Variants in FRMD4B observed in about 807,000 individuals in gnomAD.
FRMD4B encodes FERM domain-containing protein 4B.
FRMD4B carries 74 observed loss-of-function variants against 141.5 expected under a neutral mutation model. The observed-to-expected ratio is 0.52, with a 90% CI of 0.43 to 0.63. FRMD4B has a LOEUF of 0.63. Ranked by LOEUF, FRMD4B falls within the 30% of genes least tolerant of loss-of-function variation. FRMD4B has a pLI of 0.00. For missense variants in FRMD4B, 1,366 were observed against 1,253.4 expected (o/e 1.09, Z -1.36); for synonymous variants, 506 against 467.9 (o/e 1.08, Z -1.05).
intron 1 of FRMD4B, among the ~76,000 whole-genome samples, chr3:69,523,120 GAA>G (rs111583020): frequency 6.3e-4 from 81 of 128,006 alleles, no homozygotes; most frequent in African/African-American, 1.8e-3. Context: ...AATAACAAGT[GAA>G]AAAAAAAAAA....
intron 1 of FRMD4B, among the ~76,000 whole-genome samples, chr3:69,372,789 A>T (rs995336347): frequency 6.6e-6 from 1 of 152,238 alleles, no homozygotes; most frequent in African/African-American, 2.4e-5. Flanking sequence ...ATGTGTGTAT[A>T]TGTGTGTACA....
At chr3:69,410,950 C>T (rs1704751096) in intron 2 of FRMD4B, among the ~76,000 whole-genome samples, 1 of 151,636 alleles carries the variant, frequency 6.6e-6, no homozygotes, top group Non-Finnish European at 1.5e-5. Context: ...AAATTTGTAC[C>T]TGGCCTATAG....
chr3:69,342,083 C>T (rs1420493571), intron 1 of FRMD4B, among the ~76,000 whole-genome samples: 3 of 152,156 alleles, frequency 2.0e-5, no homozygotes, highest in Admixed American at 2.0e-4. Context: ...ATTAGAGAAG[C>T]TTGCAAACAC....
chr3:69,348,528 C>CA (rs1016328000), intron 1 of FRMD4B, among the ~76,000 whole-genome samples: 1 of 151,850 alleles, frequency 6.6e-6, no homozygotes, highest in African/African-American at 2.4e-5. Context: ...AGAGACACAA[C>CA]AAAAAAAGAG....
intron 1 of FRMD4B, among the ~76,000 whole-genome samples, chr3:69,495,282 T>C (rs1156237587): frequency 6.6e-6 from 1 of 152,232 alleles, no homozygotes; most frequent in Non-Finnish European, 1.5e-5. Context: ...GACTGTTTCA[T>C]TTCCAGAACA....
At chr3:69,538,028 C>A (rs1184637763) in intron 1 of FRMD4B, among the ~76,000 whole-genome samples, 2 of 152,204 alleles carry the variant, frequency 1.3e-5, no homozygotes, top group African/African-American at 4.8e-5. Flanking sequence ...GCCAACTGGG[C>A]AAATCATAGC....
intron 1 of FRMD4B, among the ~76,000 whole-genome samples, chr3:69,349,234 G>C (rs1284244627): frequency 2.0e-5 from 3 of 152,122 alleles, no homozygotes; most frequent in African/African-American, 7.2e-5. Flanking sequence ...TTGCTTCAAA[G>C]GGAATAAAAT....
At chr3:69,494,107 C>T (rs759095504) in intron 1 of FRMD4B, among the ~76,000 whole-genome samples, 4 of 152,152 alleles carry the variant, frequency 2.6e-5, no homozygotes, top group Non-Finnish European at 5.9e-5. Flanking sequence ...CTCGAACTCT[C>T]GGCATCAAGT....
chr3:69,338,491 A>C (rs1428684847), intron 1 of FRMD4B, among the ~76,000 whole-genome samples: 2 of 152,248 alleles, frequency 1.3e-5, no homozygotes, highest in Non-Finnish European at 2.9e-5. Context: ...ACACCATGGA[A>C]TATTATGCAG....
At chr3:69,236,375 C>T (rs779428578) in intron 7 of FRMD4B, among the ~76,000 whole-genome samples, 5 of 151,940 alleles carry the variant, frequency 3.3e-5, no homozygotes, top group Non-Finnish European at 5.9e-5. Context: ...ACTATAGGCA[C>T]CTGCCACGAT....
intron 1 of FRMD4B, among the ~76,000 whole-genome samples, chr3:69,332,184 T>C (rs1174466824): frequency 1.3e-5 from 2 of 152,164 alleles, no homozygotes; most frequent in South Asian, 2.1e-4. Context: ...GGGCAGGTGG[T>C]GAGCAGGTTC....
upstream of FRMD4B, among the ~76,000 whole-genome samples, chr3:69,389,601 T>C (rs1704338360): frequency 6.6e-6 from 1 of 152,174 alleles, no homozygotes; most frequent in Non-Finnish European, 1.5e-5. Flanking sequence ...ACATAAACAC[T>C]GATGCTTTTT....
intron 21 of FRMD4B, among the ~76,000 whole-genome samples, 183 bp downstream of exon 21, chr3:69,180,716 G>A (rs2092697804): frequency 6.6e-6 from 1 of 152,184 alleles, no homozygotes; most frequent in Non-Finnish European, 1.5e-5. Flanking sequence ...TGTGTACTGA[G>A]TTCTTTGGAG....
chr3:69,458,627 A>G (rs1193656431), intron 1 of FRMD4B, among the ~76,000 whole-genome samples: 2 of 152,192 alleles, frequency 1.3e-5, no homozygotes, highest in Admixed American at 1.3e-4. Flanking sequence ...TTCATCTGAC[A>G]TGGTTAAATA....
chr3:69,456,733 T>A (rs60504103), intron 1 of FRMD4B, among the ~76,000 whole-genome samples: 3,571 of 129,110 alleles, frequency 0.028, 135 homozygotes, highest in African/African-American at 0.097. Context: ...TCCATTTTTG[T>A]AAAAAAAAAA....
At chr3:69,287,246 C>T (rs1397424652) in intron 5 of FRMD4B, among the ~76,000 whole-genome samples, 1 of 152,184 alleles carries the variant, frequency 6.6e-6, no homozygotes, top group African/African-American at 2.4e-5. Flanking sequence ...AAGAAAAACC[C>T]TGTCCCTTAC....
chr3:69,536,637 C>G, intron 1 of FRMD4B: 2 of 1,012,456 alleles, frequency 2.0e-6, no homozygotes, highest in South Asian at 2.7e-5. Flanking sequence ...CCTGGATGAT[C>G]CTGCTGTGGA....
rs1185603124 is a variant in FRMD4B at position 69,353,643 on chromosome 3, G to T, written c.162+32185C>A. 5.1e-6 allele frequency: 5 copies of T among 978,596 alleles called. No homozygotes were observed. In the African/African-American group the frequency reaches 8.8e-5, roughly 17 times the overall value. 60.6% of individuals were successfully genotyped at this position (978,596 alleles called of 1,614,324 possible). A position where few individuals can be genotyped will look rare whatever the true frequency, so the allele number is the denominator to read the frequency against. On this transcript the variant is annotated intron_variant, in intron 1 of 22. Coordinates refer to ENST00000398540, the MANE Select transcript of FRMD4B (RefSeq NM_015123.3). ...GCACTTGTGCGGTGTGTGTGTGTGTGCGCGCGCGTGTGTGTGCGCGCATGT... is the reference window on the plus strand; with the variant it reads ...GCACTTGTGCGGTGTGTGTGTGTGTTCGCGCGCGTGTGTGTGCGCGCATGT...
intron 19 of FRMD4B, among the ~76,000 whole-genome samples, chr3:69,186,873 A>C (rs1390041740): frequency 6.6e-6 from 1 of 152,212 alleles, no homozygotes; most frequent in African/African-American, 2.4e-5. Flanking sequence ...CAAAGCAAAC[A>C]GCTGGTAACT....
Sources: allele counts gnomAD v4.1 joint callset (sites outside exome capture counted in the v4.1 genomes callset), GRCh38; gene constraint gnomAD v4.1.1; transcripts MANE v1.5; gene names NCBI Gene and HGNC (gene_info 2026-07-23, HGNC 2026-07-21).